Variants in HUS1 observed in about 807,000 individuals in gnomAD.
HUS1 encodes the protein checkpoint protein HUS1.
Under a neutral mutation model 32.6 loss-of-function variants are expected in HUS1, and 31 were observed. That is an observed-to-expected ratio of 0.95 (90% CI 0.72 to 1.28). HUS1 has a LOEUF of 1.28. Ranked by LOEUF, HUS1 falls within the 50% of genes most tolerant of loss-of-function variation. The pLI, the probability that HUS1 is intolerant of heterozygous loss-of-function variation, is 0.00. For missense variants in HUS1, 340 were observed against 337.7 expected (o/e 1.01, Z -0.05); for synonymous variants, 123 against 116.6 (o/e 1.06, Z -0.36).
At chr7:47,972,355 C>A (rs967482590) in intron 5 of HUS1, among the ~76,000 whole-genome samples, 1 of 152,202 alleles carries the variant, frequency 6.6e-6, no homozygotes, top group African/African-American at 2.4e-5. Context: ...CTTCAAATTC[C>A]TAAGAATCTC....
intron 3 of HUS1, 191 bp downstream of exon 3, chr7:47,978,226 T>C: frequency 1.9e-6 from 1 of 514,520 alleles, no homozygotes; most frequent in Admixed American, 3.4e-5. Flanking sequence ...GCTGAATGCA[T>C]ATGATAACAA....
Position 47,973,304 on chromosome 7 carries a change from GC to G in HUS1, c.540+2308del, listed in dbSNP as rs1184285650. Among the ~76,000 whole-genome samples, 3 of 152,308 alleles carry G rather than the reference GC, an allele frequency of 2.0e-5. No homozygotes were observed. In the East Asian group the frequency reaches 5.8e-4, roughly 29 times the overall value. On this transcript the variant is annotated intron_variant, in intron 5 of 7. Coordinates refer to ENST00000258774, the MANE Select transcript of HUS1 (RefSeq NM_004507.4). ...GCTACATGATGTGGTCTGAAGACAG[GC>G]AGCATCGACATCTCCCAGGAGCTGG...
At chr7:47,969,391 T>G (rs769427635) in intron 5 of HUS1, 73 bp from the exon 6 acceptor site, 11 of 772,544 alleles carry the variant, frequency 1.4e-5, no homozygotes, top group Non-Finnish European at 2.2e-5. Context: ...GCAACAGCTT[T>G]CACACAACCA....
chr7:47,978,773 G>A lies in HUS1; in HGVS notation c.96C>T (p.Leu32=), dbSNP rs760552619. ...MIAKLAKTCT[L]RISPDKLNFI... Reference sequence around the variant, plus strand: ...AGTTAAGCTTATCAGGGCTGATGCGGAGGGTGCAGGTTTTGGCAAGCTTGG... The same window carrying A: ...AGTTAAGCTTATCAGGGCTGATGCGAAGGGTGCAGGTTTTGGCAAGCTTGG... Residue 32 remains leucine, a synonymous_variant, in exon 2 of 8, where the codon CTC becomes CTT. Transcript: ENST00000258774. 3 of 1,614,238 alleles carry A rather than the reference G, an allele frequency of 1.9e-6. No individual in the cohort carries two copies. Among genetic ancestry groups the A allele is most frequent in the Non-Finnish European group, 2.5e-6 (3 of 1,180,036 alleles).
Position 47,979,482 on chromosome 7 carries a change from A to G in HUS1, c.38T>C (p.Leu13Pro). ...FRAKIVDGAC[L>P]NHFTRISNMI... Reference sequence around the variant, plus strand: ...TCCCTGCTCACGTGTGAAGTGGTTCAGACAGGCCCCGTCCACGATCTTGGC... The same window carrying G: ...TCCCTGCTCACGTGTGAAGTGGTTCGGACAGGCCCCGTCCACGATCTTGGC... Residue 13 changes from leucine to proline, a missense_variant, in exon 1 of 8, where the codon CTG becomes CCG. By Grantham distance (98) the Leu-to-Pro change is moderately conservative. Transcript: ENST00000258774. The G allele has an allele frequency of 6.2e-7, 1 of 1,613,340 alleles. No homozygotes were observed. The highest frequency in any genetic ancestry group is 8.5e-7 in the Non-Finnish European group (1 of 1,179,906).
At chr7:47,970,009 G>T (rs887441953) in intron 5 of HUS1, among the ~76,000 whole-genome samples, 1 of 151,910 alleles carries the variant, frequency 6.6e-6, no homozygotes, top group African/African-American at 2.4e-5. Flanking sequence ...CGAGGCGGGC[G>T]GATCACGAGG....
At chr7:47,967,438 GCACTCTGAGCAGGT>G (rs778837938) in intron 7 of HUS1, among the ~76,000 whole-genome samples, 126 of 152,282 alleles carry the variant, frequency 8.3e-4, no homozygotes, top group Admixed American at 3.3e-3. Flanking sequence ...ACCGTGTCTG[GCACTCTGAGCAGGT>G]CAAATTAGAT....
intron 5 of HUS1, among the ~76,000 whole-genome samples, chr7:47,970,232 CA>C (rs777331089): frequency 8.6e-3 from 411 of 47,814 alleles, no homozygotes; most frequent in South Asian, 0.025. Flanking sequence ...GACTCTGTCT[CA>C]AAAAAAAAAA....
At chr7:47,971,426 G>A (rs1562587866) in intron 5 of HUS1, 1 of 456,322 alleles carries the variant, frequency 2.2e-6, no homozygotes, top group Non-Finnish European at 4.4e-6. Flanking sequence ...TGCTGCCCGG[G>A]GACTGTCTCC....
Position 47,976,261 on chromosome 7 carries a change from G to A in HUS1, c.465+469C>T, listed in dbSNP as rs1013818063. 9 of 431,540 alleles carry A rather than the reference G, an allele frequency of 2.1e-5. 1 individual carries two copies. The East Asian group carries it at 6.4e-4, about 31-fold the overall frequency. The allele number at this position is 431,540 out of a possible 1,614,324, so 26.7% of individuals were successfully genotyped here. A position where few individuals can be genotyped will look rare whatever the true frequency, so the allele number is the denominator to read the frequency against. Reference sequence around the variant, plus strand: ...TTCTTAAACAAATTGTGAGCAAGAGGAAATGGGCCCTTTGGCATCATCTTT... The same window carrying A: ...TTCTTAAACAAATTGTGAGCAAGAGAAAATGGGCCCTTTGGCATCATCTTT... On this transcript the variant is annotated intron_variant, in intron 4 of 7. Transcript: ENST00000258774.
At chr7:47,967,431 G>GT (rs1788501079) in intron 7 of HUS1, among the ~76,000 whole-genome samples, 1 of 152,158 alleles carries the variant, frequency 6.6e-6, no homozygotes, top group African/African-American at 2.4e-5. Flanking sequence ...AAGCCAAACC[G>GT]TGTCTGGCAC....
At chr7:47,970,648 C>T (rs528036580) in intron 5 of HUS1, among the ~76,000 whole-genome samples, 1 of 152,264 alleles carries the variant, frequency 6.6e-6, no homozygotes, top group South Asian at 2.1e-4. Context: ...ATGAAGAGTT[C>T]GGCCCACATA....
chr7:47,973,024 G>C (rs1043574210), intron 5 of HUS1, among the ~76,000 whole-genome samples: 1 of 152,118 alleles, frequency 6.6e-6, no homozygotes, highest in African/African-American at 2.4e-5. Flanking sequence ...TCTTGATAGT[G>C]AGGGAGTTCT....
intron 1 of HUS1, 39 bp downstream of exon 1, chr7:47,979,429 T>G (rs372000799): frequency 4.9e-5 from 79 of 1,612,042 alleles, no homozygotes; most frequent in Middle Eastern, 3.3e-4. Context: ...ACTGCTTCCT[T>G]CCGTTCCTCC....
chr7:47,978,869 G>A (rs1788766998), intron 1 of HUS1, 53 bp from the exon 2 acceptor site: 2 of 1,548,876 alleles, frequency 1.3e-6, no homozygotes, highest in Admixed American at 3.9e-5. Context: ...ATGTATCCTA[G>A]AGACCAACTT....
chr7:47,979,525 C>A lies in HUS1; in HGVS notation c.-6G>T. 1 of 1,606,878 alleles carries A rather than the reference C, an allele frequency of 6.2e-7. No individual in the cohort carries two copies. Among genetic ancestry groups the A allele is most frequent in the Non-Finnish European group, 8.5e-7 (1 of 1,178,222 alleles). On this transcript the variant is annotated 5_prime_UTR_variant, in exon 1 of 8. Transcript: ENST00000258774. Reference sequence around the variant, plus strand: ...ATCTTGGCCCGAAACTTCATGGCCGCGGATGGCGCAGCCGCGGCGGGCCTC... The same window carrying A: ...ATCTTGGCCCGAAACTTCATGGCCGAGGATGGCGCAGCCGCGGCGGGCCTC...
In HUS1 at chr7:47,965,226, G is replaced by T. The variant is rs1309219336; in HGVS notation, c.*130C>A. The T allele has an allele frequency of 9.8e-6, 6 of 613,794 alleles. No homozygotes were observed. Among genetic ancestry groups the T allele is most frequent in the Non-Finnish European group, 1.8e-5 (6 of 338,174 alleles). The allele number at this position is 613,794 out of a possible 1,614,324, so 38.0% of individuals were successfully genotyped here. ...GAATCAACTTTTAGTTAAAATGTTA[G>T]AGAGGGACAAATAAGTACAGTGTGT... is the stretch of plus-strand genomic sequence containing the variant. On this transcript the variant is annotated 3_prime_UTR_variant, in exon 8 of 8. Transcript: ENST00000258774.
chr7:47,968,012 T>G, intron 6 of HUS1, 87 bp from the exon 7 acceptor site: 2 of 1,409,212 alleles, frequency 1.4e-6, no homozygotes, highest in Non-Finnish European at 9.7e-7. Context: ...CTTAAATAAA[T>G]GATTCACTTT....
chr7:47,978,134 A>G (rs892362419), intron 3 of HUS1: 2 of 316,608 alleles, frequency 6.3e-6, no homozygotes, highest in East Asian at 5.7e-5. Context: ...TAGAGAAACC[A>G]TGATTTCTAG....
Sources: gnomAD v4.1 joint callset for allele counts (sites outside exome capture counted in the v4.1 genomes callset) on GRCh38, gnomAD v4.1.1 for gene constraint, MANE v1.5 for transcripts, NCBI Gene and HGNC (gene_info 2026-07-23, HGNC 2026-07-21) for gene names.